Variants in ADAMTSL1 observed in about 807,000 individuals in gnomAD.
The protein encoded by ADAMTSL1 is ADAMTS-like protein 1.
Under a neutral mutation model 201.8 loss-of-function variants are expected in ADAMTSL1, and 126 were observed. The observed-to-expected ratio is 0.62, with a 90% confidence interval of 0.54 to 0.72. The LOEUF is 0.72. Ranked by LOEUF, ADAMTSL1 falls within the 30% of genes least tolerant of loss-of-function variation. ADAMTSL1 has a pLI of 0.00. For missense variants in ADAMTSL1, 2,679 were observed against 2,277.8 expected, an observed-to-expected ratio of 1.18 and a Z score of -3.59; for synonymous variants, 1,121 against 903.4, an observed-to-expected ratio of 1.24 and a Z score of -4.32.
At chr9:18,687,360 A>G (rs1181593478) in intron 13 of ADAMTSL1, among the ~76,000 whole-genome samples, 1 of 152,198 alleles carries the variant, frequency 6.6e-6, no homozygotes, top group Admixed American at 6.5e-5. Context: ...TCTCTGAAGC[A>G]TATTGAAAAA....
At chr9:18,205,534 T>C (rs150101654) in intron 2 of ADAMTSL1, among the ~76,000 whole-genome samples, 1 of 152,068 alleles carries the variant, frequency 6.6e-6, no homozygotes, top group Non-Finnish European at 1.5e-5. Context: ...CTTAATTATA[T>C]TGTTAACCTT....
intron 1 of ADAMTSL1, among the ~76,000 whole-genome samples, chr9:18,016,607 A>C (rs1358270686): frequency 2.0e-5 from 3 of 152,038 alleles, no homozygotes; most frequent in Admixed American, 6.6e-5. Flanking sequence ...ATAGTGAATA[A>C]TTATAAAATG....
intron 2 of ADAMTSL1, among the ~76,000 whole-genome samples, chr9:18,378,255 G>T (rs980977360): frequency 6.6e-6 from 1 of 152,104 alleles, no homozygotes; most frequent in South Asian, 2.1e-4. Context: ...GAGGACTAAC[G>T]GAAATAGTGT....
intron 4 of ADAMTSL1, among the ~76,000 whole-genome samples, chr9:18,598,729 A>G (rs1490918589): frequency 6.6e-6 from 1 of 152,166 alleles, no homozygotes; most frequent in Non-Finnish European, 1.5e-5. Flanking sequence ...CCTGCACACC[A>G]TAGTGATCTC....
At position 17,933,949 on chromosome 9, in the gene ADAMTSL1, G is replaced by T. The variant is rs538006718; in HGVS notation, c.87+27027G>T. 1.6e-4 allele frequency among the ~76,000 whole-genome samples: 24 copies of T among 152,254 alleles called. 2 individuals carry two copies. The South Asian group carries it at 4.8e-3, about 30-fold the overall frequency. Reference sequence around the variant, plus strand: ...GTTTCTGTTCTATTTTTGGTGGGCTGTTTGGTTCAAATCACTTCTGTTTTA... The same window carrying T: ...GTTTCTGTTCTATTTTTGGTGGGCTTTTTGGTTCAAATCACTTCTGTTTTA... On this transcript the variant is annotated intron_variant, in intron 1 of 29. Transcript: ENST00000680146.
At chr9:17,928,833 T>G (rs544616649) in intron 1 of ADAMTSL1, among the ~76,000 whole-genome samples, 16 of 152,254 alleles carry the variant, frequency 1.1e-4, no homozygotes, top group African/African-American at 3.6e-4. Flanking sequence ...GTATTTAAAA[T>G]GCAAACTAAT....
intron 1 of ADAMTSL1, among the ~76,000 whole-genome samples, chr9:18,029,206 A>C (rs1350178011): frequency 6.6e-6 from 1 of 152,138 alleles, no homozygotes; most frequent in East Asian, 1.9e-4. Context: ...GTCATCTGCA[A>C]ACGGACAATT....
At chr9:18,511,137 AG>A (rs1196263762) in intron 2 of ADAMTSL1, among the ~76,000 whole-genome samples, 2 of 152,192 alleles carry the variant, frequency 1.3e-5, no homozygotes, top group Non-Finnish European at 2.9e-5. Context: ...CGAGTTAGAT[AG>A]CTGGCTGCTC....
intron 4 of ADAMTSL1, among the ~76,000 whole-genome samples, chr9:18,588,898 T>TATATATATATATATATATATAC (rs1554710738): frequency 4.4e-5 from 6 of 136,274 alleles, no homozygotes; most frequent in Admixed American, 1.5e-4. Context: ...TATATATATA[T>TATATATATATATATATATATAC]ATATACATAT....
At chr9:18,734,521 G>A (rs1818399153) in intron 15 of ADAMTSL1, among the ~76,000 whole-genome samples, 1 of 152,116 alleles carries the variant, frequency 6.6e-6, no homozygotes, top group South Asian at 2.1e-4. Context: ...CATAGGTTCT[G>A]GAGAAACAAT....
chr9:18,543,659 TA>T (rs1308273853), intron 3 of ADAMTSL1, among the ~76,000 whole-genome samples: 4 of 152,208 alleles, frequency 2.6e-5, no homozygotes, highest in African/African-American at 9.6e-5. Context: ...AAAATCCTCA[TA>T]TTTTATGACT....
In ADAMTSL1 at chr9:18,456,541, T is replaced by C. The variant is rs573530379; in HGVS notation, c.208-48288T>C. Among the ~76,000 whole-genome samples, 109 of 152,328 alleles carry C rather than the reference T, an allele frequency of 7.2e-4. 1 individual carries two copies. Among genetic ancestry groups the C allele is most frequent in the Middle Eastern group, 3.4e-3 (1 of 294 alleles). ...CATTGGCAGCCTGAACAAAGGTAAGTAGAGGCCCTTCCCTTAGTACCTAAT... is the reference window on the plus strand; with the variant it reads ...CATTGGCAGCCTGAACAAAGGTAAGCAGAGGCCCTTCCCTTAGTACCTAAT... On this transcript the variant is annotated intron_variant, in intron 2 of 29. Transcript: ENST00000680146.
intron 20 of ADAMTSL1, among the ~76,000 whole-genome samples, chr9:18,807,843 C>G (rs374418666): frequency 9.9e-5 from 15 of 152,230 alleles, no homozygotes; most frequent in African/African-American, 3.4e-4. Flanking sequence ...CATTTCACTC[C>G]TTCTCTGCAT....
chr9:18,906,221 T>C (rs990679057), intron 27 of ADAMTSL1, among the ~76,000 whole-genome samples: 1 of 152,158 alleles, frequency 6.6e-6, no homozygotes, highest in Non-Finnish European at 1.5e-5. Context: ...GGCCACCAAG[T>C]CTCAAAGGCT....
intron 16 of ADAMTSL1, among the ~76,000 whole-genome samples, chr9:18,767,157 G>A (rs1220177375): frequency 6.6e-6 from 1 of 152,096 alleles, no homozygotes; most frequent in Non-Finnish European, 1.5e-5. Flanking sequence ...TTCCATTTTA[G>A]GCATGTTTAA....
At position 18,523,482 on chromosome 9, in the gene ADAMTSL1, C is replaced by T. The variant is rs35416683; in HGVS notation, c.192-9765C>T. On this transcript the variant is annotated intron_variant, in intron 2 of 28. Coordinates refer to ENST00000380548, the MANE Select transcript of ADAMTSL1 (RefSeq NM_001040272.6). ...TTGTCAGTTCTGGCTTTTGTTGCCA[C>T]TGCTTTTGGTGTTTTAGACATGAAG... is the stretch of plus-strand genomic sequence containing the variant. 6.8e-4 allele frequency among the ~76,000 whole-genome samples: 104 copies of T among 152,170 alleles called. 2 individuals carry two copies. In the South Asian group the frequency reaches 0.021, roughly 30 times the overall value.
At chr9:17,958,003 A>G (rs1190976873) in intron 1 of ADAMTSL1, among the ~76,000 whole-genome samples, 1 of 152,166 alleles carries the variant, frequency 6.6e-6, no homozygotes, top group African/African-American at 2.4e-5. Context: ...GGTAATTGTG[A>G]CAGTCATAGG....
At chr9:18,659,452 C>G (rs1217542087) in intron 8 of ADAMTSL1, among the ~76,000 whole-genome samples, 1 of 152,158 alleles carries the variant, frequency 6.6e-6, no homozygotes. Context: ...TCTAGTTGTT[C>G]CATCTGTCAT....
intron 7 of ADAMTSL1, among the ~76,000 whole-genome samples, chr9:18,641,807 G>T (rs10811003): frequency 0.32 from 47,992 of 151,618 alleles, 7,959 homozygotes; most frequent in Non-Finnish European, 0.38. Flanking sequence ...TTATTTATCA[G>T]TTTTCATGAC....
Sources: gnomAD v4.1 joint callset for allele counts (sites outside exome capture counted in the v4.1 genomes callset) on GRCh38, gnomAD v4.1.1 for gene constraint, MANE v1.5 for transcripts, NCBI Gene and HGNC (gene_info 2026-07-23, HGNC 2026-07-21) for gene names.